Variants in SRGAP1 observed in about 807,000 individuals in gnomAD.
SRGAP1 encodes SLIT-ROBO Rho GTPase activating protein 1, also known as SLIT-ROBO Rho GTPase-activating protein 1.
Under a neutral mutation model 121.9 loss-of-function variants are expected in SRGAP1, and 43 were observed. The observed-to-expected ratio is 0.35, with a 90% CI of 0.28 to 0.46. The LOEUF (loss-of-function observed/expected upper bound fraction) is 0.46. Among genes scored for constraint, SRGAP1 ranks in the 20% least tolerant of loss-of-function variants. The pLI is 1.00. For synonymous variants in SRGAP1, 447 were observed against 485.4 expected (o/e 0.92, Z 1.04); for missense variants, 1,102 against 1,350.9 (o/e 0.82, Z 2.89).
chr12:64,074,616 T>A (rs115892723), intron 8 of SRGAP1, among the ~76,000 whole-genome samples: 4 of 152,308 alleles, frequency 2.6e-5, no homozygotes, highest in African/African-American at 7.2e-5. Context: ...TCAAAATTTA[T>A]CTTTTGAATG....
At chr12:63,986,370 C>T (rs930324216) in intron 2 of SRGAP1, among the ~76,000 whole-genome samples, 2 of 152,072 alleles carry the variant, frequency 1.3e-5, no homozygotes, top group African/African-American at 4.8e-5. Context: ...AGTAACTTAA[C>T]TGTTGCTTTT....
At chr12:63,993,568 G>A (rs2033614875) in intron 3 of SRGAP1, among the ~76,000 whole-genome samples, 1 of 152,176 alleles carries the variant, frequency 6.6e-6, no homozygotes, top group African/African-American at 2.4e-5. Flanking sequence ...TCTGTATGGA[G>A]ATCCAAATAA....
intron 21 of SRGAP1, among the ~76,000 whole-genome samples, chr12:64,137,195 C>T (rs1173749459): frequency 2.6e-5 from 4 of 151,152 alleles, no homozygotes; most frequent in African/African-American, 4.9e-5. Context: ...ACCCAGGAGG[C>T]GGAGGTCGCA....
chr12:63,926,901 TTATGATTTAAA>T (rs2031281912), intron 1 of SRGAP1, among the ~76,000 whole-genome samples: 1 of 152,196 alleles, frequency 6.6e-6, no homozygotes, highest in African/African-American at 2.4e-5. Flanking sequence ...TATGGCTTTC[TTATGATTTAAA>T]TATGAGTTGT....
intron 6 of SRGAP1, among the ~76,000 whole-genome samples, chr12:64,052,659 A>G (rs1480560375): frequency 6.6e-6 from 1 of 152,164 alleles, no homozygotes; most frequent in Non-Finnish European, 1.5e-5. Flanking sequence ...AATGATAGAT[A>G]TATGCCTTAA....
chr12:63,928,067 T>C (rs2031326687), intron 1 of SRGAP1, among the ~76,000 whole-genome samples: 1 of 151,982 alleles, frequency 6.6e-6, no homozygotes, highest in Non-Finnish European at 1.5e-5. Flanking sequence ...GTAGGAAAAA[T>C]AGCTGTTTTG....
intron 3 of SRGAP1, among the ~76,000 whole-genome samples, chr12:64,006,548 G>T (rs756025516): frequency 6.6e-6 from 1 of 152,312 alleles, no homozygotes; most frequent in South Asian, 2.1e-4. Context: ...GATGCTAAGA[G>T]AGTTTTAAAG....
At chr12:63,976,564 C>T (rs142365686) in intron 1 of SRGAP1, among the ~76,000 whole-genome samples, 1,537 of 152,244 alleles carry the variant, frequency 0.01, 30 homozygotes, top group African/African-American at 0.034. Flanking sequence ...TTTATGTCCA[C>T]GAATAAGGAG....
chr12:64,044,524 A>G (rs1240500785), intron 6 of SRGAP1, among the ~76,000 whole-genome samples: 1 of 152,114 alleles, frequency 6.6e-6, no homozygotes, highest in Non-Finnish European at 1.5e-5. Context: ...ATTTAAACAT[A>G]CAGTAGGTTA....
chr12:63,944,971 A>G (rs1160494513), intron 1 of SRGAP1, among the ~76,000 whole-genome samples: 2 of 152,192 alleles, frequency 1.3e-5, no homozygotes, highest in Admixed American at 6.5e-5. Flanking sequence ...GTGCAGTGAC[A>G]TGGATGGGAG....
rs193136520 is a variant in SRGAP1 at position 63,940,208 on chromosome 12, C to T, written c.68-43739C>T. On this transcript the variant is annotated intron_variant, in intron 1 of 21. Transcript: ENST00000355086. ...AACTCCTGAGCTCAAGTGATCCACA[C>T]GCCTCGCCCTCCCAAAGTGCTGGTA... Among the ~76,000 whole-genome samples, 102 of 152,122 alleles carry T rather than the reference C, an allele frequency of 6.7e-4. 2 individuals are homozygous for T. Among genetic ancestry groups the T allele is most frequent in the Admixed American group, 4.5e-3 (69 of 15,278 alleles).
chr12:64,079,044 A>G lies in SRGAP1; in HGVS notation c.1251A>G (p.Glu417=), dbSNP rs549661090. ...AATCAGTGAAGTCCACTGTCTCTGAAACCTACCTGAGTAAACCCAGCATCG... is the reference window on the plus strand; with the variant it reads ...AATCAGTGAAGTCCACTGTCTCTGAGACCTACCTGAGTAAACCCAGCATCG... The part of the protein sequence containing the change: ...STESVKSTVS[E]TYLSKPSIAK... The change falls in exon 9 of 22, where the codon GAA becomes GAG. Residue 417 remains glutamate, a synonymous_variant. Transcript: ENST00000355086. The G allele has an allele frequency of 3.7e-6, 6 of 1,614,108 alleles. No homozygotes were observed. Among genetic ancestry groups the G allele is most frequent in the Admixed American group, 1.7e-5 (1 of 60,010 alleles).
At chr12:64,058,647 T>C (rs1487030381) in intron 6 of SRGAP1, among the ~76,000 whole-genome samples, 4 of 152,208 alleles carry the variant, frequency 2.6e-5, no homozygotes, top group East Asian at 1.9e-4. Context: ...TGGTTTCTTA[T>C]GTATTTTCAT....
intron 1 of SRGAP1, among the ~76,000 whole-genome samples, chr12:63,935,889 T>C (rs2031645860): frequency 6.6e-6 from 1 of 152,202 alleles, no homozygotes; most frequent in African/African-American, 2.4e-5. Context: ...TTAGTGAGTT[T>C]AAATTTTAGC....
rs568545222 is a variant in SRGAP1 at position 63,891,485 on chromosome 12, C to G, written c.67+46602C>G. ...ACTTCTGTGGCTGGCCCATATTTCTCTTAGTACCTGTTGGTTTACAGCTGG... is the reference window on the plus strand; with the variant it reads ...ACTTCTGTGGCTGGCCCATATTTCTGTTAGTACCTGTTGGTTTACAGCTGG... On this transcript the variant is annotated intron_variant, in intron 1 of 21. Coordinates refer to ENST00000355086, the MANE Select transcript of SRGAP1 (RefSeq NM_020762.4). 3.9e-5 allele frequency among the ~76,000 whole-genome samples: 6 copies of G among 152,298 alleles called. No homozygotes were observed. In the East Asian group the frequency reaches 1.2e-3, roughly 29 times the overall value.
At chr12:63,982,246 G>GA (rs533499882) in intron 1 of SRGAP1, among the ~76,000 whole-genome samples, 97 of 144,280 alleles carry the variant, frequency 6.7e-4, no homozygotes, top group African/African-American at 1.5e-3. Context: ...AAAAAAGAAA[G>GA]AAAAAAAAAA....
intron 1 of SRGAP1, among the ~76,000 whole-genome samples, chr12:63,956,154 A>G (rs2032458107): frequency 6.6e-6 from 1 of 152,038 alleles, no homozygotes; most frequent in South Asian, 2.1e-4. Flanking sequence ...ACAGACATGC[A>G]CCTCCATGCC....
intron 1 of SRGAP1, among the ~76,000 whole-genome samples, chr12:63,937,868 T>C (rs1441242893): frequency 6.6e-5 from 10 of 152,258 alleles, no homozygotes; most frequent in Admixed American, 2.0e-4. Context: ...TTCCTGGTAT[T>C]GCGTGCCCCT....
At chr12:64,062,772 A>G in intron 6 of SRGAP1, 145 bp from the exon 7 acceptor site, 1 of 598,948 alleles carries the variant, frequency 1.7e-6, no homozygotes. Context: ...TTGATGTCAT[A>G]TCCAAGAAAC....
Sources: gnomAD v4.1 joint callset for allele counts (sites outside exome capture counted in the v4.1 genomes callset) on GRCh38, gnomAD v4.1.1 for gene constraint, MANE v1.5 for transcripts, NCBI Gene and HGNC (gene_info 2026-07-23, HGNC 2026-07-21) for gene names.